B4GALT3: variants seen among roughly 807,000 people sequenced by gnomAD.
The protein encoded by B4GALT3 is N-acetyllactosamine synthase.
B4GALT3 carries 29 observed loss-of-function variants against 40.7 expected under a neutral mutation model. That is an observed-to-expected ratio of 0.71 (90% CI 0.53 to 0.97). The LOEUF is 0.97. Among genes scored for constraint, B4GALT3 ranks in the 50% least tolerant of loss-of-function variants. The pLI is 0.00. For synonymous variants in B4GALT3, 182 were observed against 203.9 expected, an observed-to-expected ratio of 0.89 and a Z score of 0.92; for missense variants, 390 against 522.3, an observed-to-expected ratio of 0.75 and a Z score of 2.47.
At chr1:161,174,374 C>G (rs962339752) in intron 4 of B4GALT3, among the ~76,000 whole-genome samples, 2 of 148,376 alleles carry the variant, frequency 1.3e-5, no homozygotes, top group Non-Finnish European at 3.0e-5. Context: ...TGCCACTGCA[C>G]TCCAGCCTGG....
intron 6 of B4GALT3, 147 bp downstream of exon 6, chr1:161,173,458 T>C (rs1662250880): frequency 2.5e-6 from 3 of 1,183,842 alleles, no homozygotes; most frequent in Non-Finnish European, 3.6e-6. Flanking sequence ...CTGACCTGGG[T>C]ATCCTAAAAA....
chr1:161,172,023 C>T lies in B4GALT3; in HGVS notation c.975G>A (p.Gln325=), dbSNP rs1308943559. Residue 325 remains glutamine (Q), a synonymous_variant, in exon 8 of 8, where the codon CAG becomes CAA. Coordinates refer to ENST00000319769, the MANE Select transcript of B4GALT3 (RefSeq NM_003779.4). ...TQDGMNSLTY[Q]LLARELGPLY... ...GAGGCCCCAGCTCTCGAGCCAGCAACTGGTATGTCAGTGAGTTCATCCCAT... is the reference window on the plus strand; with the variant it reads ...GAGGCCCCAGCTCTCGAGCCAGCAATTGGTATGTCAGTGAGTTCATCCCAT... The T allele has an allele frequency of 6.2e-7, 1 of 1,614,192 alleles. No individual in the cohort carries two copies. Among genetic ancestry groups the T allele is most frequent in the Admixed American group, 1.7e-5 (1 of 60,026 alleles).
intron 3 of B4GALT3, 111 bp downstream of exon 3, chr1:161,175,693 GCCTA>G (rs1381914976): frequency 5.5e-6 from 8 of 1,465,158 alleles, no homozygotes; most frequent in Non-Finnish European, 7.4e-6. Context: ...TGCAGCCTCA[GCCTA>G]CCTATCCTCT....
chr1:161,176,517 G>A lies in B4GALT3; in HGVS notation c.-98C>T. 2.5e-6 allele frequency: 1 copy of A among 398,038 alleles called. No homozygotes were observed. The highest frequency in any genetic ancestry group is 3.2e-5 in the South Asian group (1 of 31,312). The allele number at this position is 398,038 out of a possible 1,614,324, so 24.7% of individuals were successfully genotyped here. A position where few individuals can be genotyped will look rare whatever the true frequency, so the allele number is the denominator to read the frequency against. Reference sequence around the variant, plus strand: ...GAGATGTGAGGCATTATCTAAAATTGGAAATGTCACAGAGGGCAGAGAAAG... The same window carrying A: ...GAGATGTGAGGCATTATCTAAAATTAGAAATGTCACAGAGGGCAGAGAAAG... On this transcript the variant is annotated 5_prime_UTR_variant, in exon 2 of 8. Transcript: ENST00000319769.
chr1:161,171,865 G>A lies in B4GALT3; in HGVS notation c.1133C>T (p.Pro378Leu), dbSNP rs774816977. Residue 378 changes from proline (P) to leucine (L), a missense_variant, in exon 8 of 8, where the codon CCT (proline) becomes CTT (leucine). Pro to Leu is a moderately conservative substitution (Grantham distance 98, BLOSUM62 -3). Transcript: ENST00000319769. The stretch of plus-strand genomic sequence containing the variant: ...GTGGTTGGCAGTAGATAGAGGCCCA[G>A]GCCTGGCTGGGGGCCGGCGTTGCAG... ...EMLQRRPPAR[P>L]GPLSTANHTA... 6.2e-7 allele frequency: 1 copy of A among 1,614,228 alleles called. No homozygotes were observed. Among genetic ancestry groups the A allele is most frequent in the Admixed American group, 1.7e-5 (1 of 60,028 alleles).
Position 161,175,245 on chromosome 1 carries a change from G to C in B4GALT3, c.254-17C>G, listed in dbSNP as rs376097944. 1.9e-6 allele frequency: 3 copies of C among 1,602,026 alleles called. No homozygotes were observed. The highest frequency in any genetic ancestry group is 1.7e-6 in the Non-Finnish European group (2 of 1,170,452). ...CAGGACCCACTGTTGGGAAGGAATG[G>C]CAAGTAGAGGGATCAGAGGGGCAAA... On this transcript the variant is annotated splice_polypyrimidine_tract_variant and intron_variant, in intron 3 of 7. Transcript: ENST00000319769.
intron 6 of B4GALT3, 78 bp downstream of exon 6, chr1:161,173,527 G>A: frequency 2.5e-6 from 4 of 1,600,248 alleles, no homozygotes; most frequent in Non-Finnish European, 3.4e-6. Context: ...TAGTGTTGAA[G>A]GGCTATGGTC....
chr1:161,174,039 C>G lies in B4GALT3; in HGVS notation c.500G>C (p.Gly167Ala). ...CAACAGTTTTGCCCTGTTAAATGTT[C>G]CATTTCCAGCCTGGAAGATAATGGA... is the stretch of plus-strand genomic sequence containing the variant. ...GIYVIHQAGN[G>A]TFNRAKLLNV... Residue 167 changes from glycine to alanine, a missense_variant, in exon 5 of 8, where the codon GGA (glycine) becomes GCA (alanine). This residue lies in a region of B4GALT3 where 183 missense variants were observed against 223.2 expected (regional missense o/e 0.82). Coordinates refer to ENST00000319769, the MANE Select transcript of B4GALT3 (RefSeq NM_003779.4). 6.2e-7 allele frequency: 1 copy of G among 1,613,372 alleles called. No individual in the cohort carries two copies. Among genetic ancestry groups the G allele is most frequent in the Non-Finnish European group, 8.5e-7 (1 of 1,179,608 alleles).
Position 161,171,462 on chromosome 1 carries a change from A to C in B4GALT3, c.*354T>G. The C allele has an allele frequency of 1.7e-6, 1 of 592,678 alleles. No individual in the cohort carries two copies. Among genetic ancestry groups the C allele is most frequent in the Non-Finnish European group, 2.9e-6 (1 of 339,758 alleles). The allele number at this position is 592,678 out of a possible 1,614,324, so 36.7% of individuals were successfully genotyped here. A position where few individuals can be genotyped will look rare whatever the true frequency, so the allele number is the denominator to read the frequency against. ...CCCGGGAACCATAAATAGAATAAAT[A>C]TTCACAGAGGTCCGAGGAGAAGCCA... On this transcript the variant is annotated 3_prime_UTR_variant, in exon 8 of 8. Transcript: ENST00000319769.
intron 3 of B4GALT3, 121 bp downstream of exon 3, chr1:161,175,670 ACCTCAGCCTACCTGCAG>A (rs915602998): frequency 1.9e-5 from 25 of 1,315,504 alleles, no homozygotes; most frequent in Non-Finnish European, 2.5e-5. Flanking sequence ...CTCTATCTCA[ACCTCAGCCTACCTGCAG>A]CCTCAGCCTA....
At position 161,173,869 on chromosome 1, in the gene B4GALT3, A is replaced by T; in HGVS notation, c.670T>A (p.Phe224Ile). ...TTCCATGCCCTCTACCTGTATCCAA[A>T]CTTGTTCATAGCAACGGCAACATGG... ...PRHVAVAMNK[F>I]GYSLPYPQYF... Residue 224 changes from phenylalanine (F) to isoleucine (I), a missense_variant, in exon 5 of 8, where the codon TTT becomes ATT. Coordinates refer to ENST00000319769, the MANE Select transcript of B4GALT3 (RefSeq NM_003779.4). The T allele has an allele frequency of 6.2e-7, 1 of 1,613,694 alleles. No homozygotes were observed. The highest frequency in any genetic ancestry group is 8.5e-7 in the Non-Finnish European group (1 of 1,179,814).
Position 161,173,963 on chromosome 1 carries a change from G to T in B4GALT3, c.576C>A (p.Phe192Leu). 6.2e-7 allele frequency: 1 copy of T among 1,614,158 alleles called. No homozygotes were observed. Among genetic ancestry groups the T allele is most frequent in the Non-Finnish European group, 8.5e-7 (1 of 1,180,028 alleles). ...ALRDEEWDCL[F>L]LHDVDLLPEN... ...CTGGCAAGAGGTCCACATCGTGCAA[G>T]AACAGGCAGTCCCACTCTTCATCAC... Residue 192 changes from phenylalanine to leucine, a missense_variant, in exon 5 of 8, where the codon TTC (phenylalanine) becomes TTA (leucine). Around this residue, in one of 3 missense-constraint regions of B4GALT3, gnomAD observed 135 missense variants for 227.8 expected, o/e 0.59. Coordinates refer to ENST00000319769, the MANE Select transcript of B4GALT3 (RefSeq NM_003779.4).
At chr1:161,177,177 G>A (rs1427009597) in intron 1 of B4GALT3, 1 of 1,106,062 alleles carries the variant, frequency 9.0e-7, no homozygotes, top group Non-Finnish European at 1.3e-6. Context: ...CACCTAGAGG[G>A]GCGTGGTCCG....
intron 1 of B4GALT3, chr1:161,176,783 C>A: frequency 7.1e-7 from 1 of 1,400,908 alleles, no homozygotes; most frequent in Non-Finnish European, 9.7e-7. Context: ...CCCCGTACCC[C>A]CACCCCAACA....
In B4GALT3 at chr1:161,175,138, C is replaced by T. The variant is rs772385340; in HGVS notation, c.344G>A (p.Arg115His). 16 of 1,613,838 alleles carry T rather than the reference C, an allele frequency of 9.9e-6. No individual in the cohort carries two copies. In the Admixed American group the frequency reaches 1.3e-4, roughly 13 times the overall value. ...GGAGCGGGGCTCACAACCTGCAGGG[C>T]GGTACCGGCCCCCTGGTTCTACCCG... ...NPRVEPGGRY[R>H]PAGCEPRSRT... The change falls in exon 4 of 8, where the codon CGC becomes CAC. Residue 115 changes from arginine (R) to histidine (H), a missense_variant. Physicochemically the swap from Arg to His is conservative, Grantham distance 29. Transcript: ENST00000319769.
intron 2 of B4GALT3, 43 bp from the exon 3 acceptor site, chr1:161,176,117 G>A (rs1374820819): frequency 2.5e-6 from 4 of 1,601,158 alleles, no homozygotes; most frequent in East Asian, 2.2e-5. Context: ...CAGGAAGAGA[G>A]CAAGCCAGCA....
Position 161,175,861 on chromosome 1 carries a change from C to T in B4GALT3, c.200G>A (p.Gly67Asp), listed in dbSNP as rs770859442. 5.0e-6 allele frequency: 8 copies of T among 1,614,020 alleles called. No homozygotes were observed. In the Admixed American group the frequency reaches 1.3e-4, roughly 27 times the overall value. ...GGGCAGACCTTGAGGAGCTGGAGGA[C>T]CCCCTGGGGCCCCAGGCAGGTGACT... ...NLSHLPGAPGGPPAPQGLPYC... is the reference protein window; with the variant it reads ...NLSHLPGAPGDPPAPQGLPYC... The change falls in exon 3 of 8, where the codon GGT becomes GAT. Residue 67 changes from glycine to aspartate, a missense_variant. Gly to Asp is a moderately conservative substitution (Grantham distance 94). Transcript: ENST00000319769.
Position 161,176,009 on chromosome 1 carries a change from A to G in B4GALT3, c.52T>C (p.Ser18Pro), listed in dbSNP as rs1367895370. 1 of 1,614,100 alleles carries G rather than the reference A, an allele frequency of 6.2e-7. No individual in the cohort carries two copies. Among genetic ancestry groups the G allele is most frequent in the Non-Finnish European group, 8.5e-7 (1 of 1,180,022 alleles). The stretch of plus-strand genomic sequence containing the variant: ...AGGTACATCATGACAGCCAGCTGGG[A>G]GCCCACAAGCAGGGCCAGCGTGCAA... ...RPCTLALLVG[S>P]QLAVMMYLSL... The change falls in exon 3 of 8, where the codon TCC (serine) becomes CCC (proline). Residue 18 changes from serine to proline, a missense_variant. Physicochemically the swap from Ser to Pro is moderately conservative, Grantham distance 74. Transcript: ENST00000319769.
rs1661557935 is a variant in B4GALT3 at position 161,171,858 on chromosome 1, A to C, written c.1140T>G (p.Pro380=). 1 of 1,614,188 alleles carries C rather than the reference A, an allele frequency of 6.2e-7. No homozygotes were observed. The highest frequency in any genetic ancestry group is 8.5e-7 in the Non-Finnish European group (1 of 1,180,030). ...GGGCTGTGTGGTTGGCAGTAGATAGAGGCCCAGGCCTGGCTGGGGGCCGGC... is the reference window on the plus strand; with the variant it reads ...GGGCTGTGTGGTTGGCAGTAGATAGCGGCCCAGGCCTGGCTGGGGGCCGGC... The part of the protein sequence containing the change: ...LQRRPPARPG[P]LSTANHTALR... Residue 380 remains proline (P), a synonymous_variant, in exon 8 of 8, where the codon CCT becomes CCG. Coordinates refer to ENST00000319769, the MANE Select transcript of B4GALT3 (RefSeq NM_003779.4).
Sources: allele counts gnomAD v4.1 joint callset (sites outside exome capture counted in the v4.1 genomes callset), GRCh38; gene constraint gnomAD v4.1.1; regional missense constraint gnomAD v4.1.1; transcripts MANE v1.5; gene names NCBI Gene and HGNC (gene_info 2026-07-23, HGNC 2026-07-21).